Variants in C2orf68 observed in about 807,000 individuals in gnomAD.
C2orf68 encodes UPF0561 protein C2orf68.
In C2orf68, 15 loss-of-function variants were observed where a neutral mutation model predicts 19.1. The observed-to-expected ratio is 0.79, with a 90% confidence interval of 0.53 to 1.21. The LOEUF is 1.21. Ranked by LOEUF, C2orf68 falls within the 50% of genes most tolerant of loss-of-function variation. The pLI is 0.00. For missense variants in C2orf68, 242 were observed against 226.6 expected (o/e 1.07, Z -0.44); for synonymous variants, 98 against 91.0 (o/e 1.08, Z -0.44).
At position 85,612,064 on chromosome 2, in the gene C2orf68, C is replaced by A; in HGVS notation, c.-80G>T. 8.8e-7 allele frequency: 1 copy of A among 1,136,244 alleles called. No homozygotes were observed. Among genetic ancestry groups the A allele is most frequent in the Non-Finnish European group, 1.2e-6 (1 of 831,006 alleles). The allele number at this position is 1,136,244 out of a possible 1,614,324, so 70.4% of individuals were successfully genotyped here. ...CCGCCCACAGAGCTCCGCGCCGCCC[C>A]TTGCTCAGCTTCCGGCCCCGCATCC... On this transcript the variant is annotated 5_prime_UTR_variant, in exon 1 of 4. In the 5' UTR this introduces an upstream ATG that the reference lacks. Coordinates refer to ENST00000306336, the MANE Select transcript of C2orf68 (RefSeq NM_001013649.4).
chr2:85,608,955 C>G lies in C2orf68; in HGVS notation c.491G>C (p.Ser164Thr). The change falls in exon 4 of 4, where the codon AGC becomes ACC. Residue 164 changes from serine to threonine, a missense_variant. By Grantham distance (58) the Ser-to-Thr change is moderately conservative. Coordinates refer to ENST00000306336, the MANE Select transcript of C2orf68 (RefSeq NM_001013649.4). ...RIQEEIAKRQ[S>T]QH ...ACGCCTTCAACATGGTCAGTGTTGG[C>G]TCTGGCGCTTTGCAATCTCCTCCTG... is the stretch of plus-strand genomic sequence containing the variant. 2 of 1,614,240 alleles carry G rather than the reference C, an allele frequency of 1.2e-6. No homozygotes were observed. Among genetic ancestry groups the G allele is most frequent in the East Asian group, 2.2e-5 (1 of 44,890 alleles).
At chr2:85,610,038 G>A (rs899782936) in intron 2 of C2orf68, among the ~76,000 whole-genome samples, 1 of 135,328 alleles carries the variant, frequency 7.4e-6, no homozygotes, top group African/African-American at 3.0e-5. Context: ...TTTTTGAGAC[G>A]GAGTCTTGCT....
chr2:85,611,225 T>A (rs980091774), intron 2 of C2orf68: 22 of 1,285,548 alleles, frequency 1.7e-5, no homozygotes, highest in African/African-American at 9.4e-5. Flanking sequence ...AAAAACATTT[T>A]AAAAAAAGTA....
chr2:85,609,120 G>A, intron 3 of C2orf68, 53 bp from the exon 4 acceptor site: 1 of 1,601,894 alleles, frequency 6.2e-7, no homozygotes, highest in Non-Finnish European at 8.5e-7. Flanking sequence ...CCAGAAAGGT[G>A]ACCTGCCCTG....
Position 85,608,453 on chromosome 2 carries a change from C to T in C2orf68, c.*492G>A, listed in dbSNP as rs1257679473. On this transcript the variant is annotated 3_prime_UTR_variant, in exon 4 of 4. Coordinates refer to ENST00000306336, the MANE Select transcript of C2orf68 (RefSeq NM_001013649.4). ...GGGGAGGAAAACTGATGGATTCTAC[C>T]TGAGGCAAAAAGATGAGGGAAAGGA... The T allele has an allele frequency of 6.6e-6, 1 of 152,028 alleles. No homozygotes were observed. Among genetic ancestry groups the T allele is most frequent in the African/African-American group, 2.4e-5 (1 of 41,290 alleles). The allele number at this position is 152,028 out of a possible 1,614,324, so 9.4% of individuals were successfully genotyped here.
Position 85,609,578 on chromosome 2 carries a change from CAG to C in C2orf68, c.233_234del (p.Ser78CysfsTer9). 1.2e-6 allele frequency: 2 copies of C among 1,614,114 alleles called. No homozygotes were observed. Among genetic ancestry groups the C allele is most frequent in the Non-Finnish European group, 1.7e-6 (2 of 1,180,014 alleles). Reference protein sequence around the residue: ...QVYLPRHRDVSAHPRNPDYEE... With the variant: ...QVYLPRHRDVXAHPRNPDYEE... ...TCATAGTCTGGGTTGCGTGGGTGGGCAGAGACATCTGGAAGGATGAACCACAG... is the reference window on the plus strand; with the variant it reads ...TCATAGTCTGGGTTGCGTGGGTGGGCAGACATCTGGAAGGATGAACCACAG... On this transcript the variant is annotated frameshift_variant, in exon 3 of 4. Coordinates refer to ENST00000306336, the MANE Select transcript of C2orf68 (RefSeq NM_001013649.4). LOFTEE classifies it high-confidence loss of function.
chr2:85,607,071 G>A lies in C2orf68; in HGVS notation c.*1874C>T, dbSNP rs12991467. The A allele has an allele frequency of 0.06, 9,142 of 152,100 alleles. 368 individuals are homozygous for A. The highest frequency in any genetic ancestry group is 0.087 in the Non-Finnish European group (5,901 of 68,010). 9.4% of individuals were successfully genotyped at this position (152,100 alleles called of 1,614,324 possible). A position where few individuals can be genotyped will look rare whatever the true frequency, so the allele number is the denominator to read the frequency against. On this transcript the variant is annotated 3_prime_UTR_variant, in exon 4 of 4. Coordinates refer to ENST00000306336, the MANE Select transcript of C2orf68 (RefSeq NM_001013649.4). ...CTCTTCCTTTACTTAATAAGAATGC[G>A]GTCTAAATTTTCAGGTGCCAAGCCC... is the stretch of plus-strand genomic sequence containing the variant.
intron 2 of C2orf68, 95 bp from the exon 3 acceptor site, chr2:85,609,681 C>T: frequency 1.4e-6 from 2 of 1,473,176 alleles, no homozygotes; most frequent in Non-Finnish European, 1.8e-6. Flanking sequence ...GTTAGGAAAG[C>T]CCCAGTCTTC....
chr2:85,611,636 G>C (rs772333453), intron 2 of C2orf68, 32 bp downstream of exon 2: 11 of 1,565,308 alleles, frequency 7.0e-6, no homozygotes, highest in South Asian at 2.3e-5. Context: ...AAGAGCGCGC[G>C]GGCTGGAGGC....
At chr2:85,609,680 G>T in intron 2 of C2orf68, 94 bp from the exon 3 acceptor site, 1 of 1,480,182 alleles carries the variant, frequency 6.8e-7, no homozygotes, top group Non-Finnish European at 9.1e-7. Context: ...GGTTAGGAAA[G>T]CCCCAGTCTT....
chr2:85,611,873 G>A lies in C2orf68; in HGVS notation c.107+5C>T, dbSNP rs1245475498. On this transcript the variant is annotated splice_donor_5th_base_variant and intron_variant, in intron 1 of 3. Transcript: ENST00000306336. ...TGGCGGCGGCGGCGCAGGGCGGGGC[G>A]GTACCGAGCGATCTGGTTCCGTCGG... is the stretch of plus-strand genomic sequence containing the variant. 6.3e-7 allele frequency: 1 copy of A among 1,597,632 alleles called. No homozygotes were observed. Among genetic ancestry groups the A allele is most frequent in the African/African-American group, 1.3e-5 (1 of 74,458 alleles).
chr2:85,609,134 C>T, intron 3 of C2orf68, 67 bp from the exon 4 acceptor site: 1 of 1,582,274 alleles, frequency 6.3e-7, no homozygotes, highest in Middle Eastern at 1.8e-4. Context: ...TGCCCTGTCC[C>T]TAAACACTCT....
intron 2 of C2orf68, chr2:85,611,112 C>T: frequency 6.3e-6 from 2 of 318,126 alleles, no homozygotes; most frequent in Non-Finnish European, 9.7e-6. Context: ...TGGTGGCACA[C>T]GCCTGTGGTC....
rs763438159 is a variant in C2orf68, at chr2:85,611,714, C to T, written c.180G>A (p.Thr60=). Residue 60 remains threonine, a synonymous_variant, in exon 2 of 4, where the codon ACG becomes ACA. Transcript: ENST00000306336. ...KVRRRHTPAP[T]RPRKPDLQVY... is the part of the protein sequence containing the mutation. Reference sequence around the variant, plus strand: ...CCTGCAGGTCTGGCTTGCGGGGCCGCGTCGGCGCGGGCGTGTGCCGCCTCC... The same window carrying T: ...CCTGCAGGTCTGGCTTGCGGGGCCGTGTCGGCGCGGGCGTGTGCCGCCTCC... 4 of 1,596,652 alleles carry T rather than the reference C, an allele frequency of 2.5e-6. No homozygotes were observed. In the South Asian group the frequency reaches 4.5e-5, roughly 18 times the overall value.
intron 1 of C2orf68, 33 bp downstream of exon 1, chr2:85,611,845 T>TGGTGGC: frequency 6.3e-7 from 1 of 1,598,048 alleles, no homozygotes; most frequent in Non-Finnish European, 8.5e-7. Context: ...AGGCCAGGAG[T>TGGTGGC]GGTGGCGGCG....
At chr2:85,611,479 G>C in intron 2 of C2orf68, 189 bp downstream of exon 2, 1 of 1,549,506 alleles carries the variant, frequency 6.5e-7, no homozygotes, top group South Asian at 1.2e-5. Flanking sequence ...TTAACTGGGG[G>C]CTTATGAGTC....
At position 85,611,642 on chromosome 2, in the gene C2orf68, G is replaced by T. The variant is rs773111916; in HGVS notation, c.226+26C>A. ...CGTTGCAGGAAGAGCGCGCGGGCTGGAGGCAGGCGGGGCGGGCGGCCTCAC... is the reference window on the plus strand; with the variant it reads ...CGTTGCAGGAAGAGCGCGCGGGCTGTAGGCAGGCGGGGCGGGCGGCCTCAC... On this transcript the variant is annotated intron_variant, in intron 2 of 3. Coordinates refer to ENST00000306336, the MANE Select transcript of C2orf68 (RefSeq NM_001013649.4). 6 of 1,567,116 alleles carry T rather than the reference G, an allele frequency of 3.8e-6. No individual in the cohort carries two copies. The Admixed American group carries it at 9.7e-5, about 25-fold the overall frequency.
Position 85,606,638 on chromosome 2 carries a change from C to A in C2orf68, c.*2307G>T, listed in dbSNP as rs140653291. The A allele has an allele frequency of 6.6e-6, 1 of 152,174 alleles. No individual in the cohort carries two copies. Among genetic ancestry groups the A allele is most frequent in the Non-Finnish European group, 1.5e-5 (1 of 68,036 alleles). The allele number at this position is 152,174 out of a possible 1,614,324, so 9.4% of individuals were successfully genotyped here. On this transcript the variant is annotated 3_prime_UTR_variant, in exon 4 of 4. Coordinates refer to ENST00000306336, the MANE Select transcript of C2orf68 (RefSeq NM_001013649.4). ...GTAAAAAATATTAATAGTGTATATG[C>A]ACTTGAAAAGCAAAATTCCTCAAGA...
At position 85,606,859 on chromosome 2, in the gene C2orf68, GCAACCTCCGC is replaced by G. The variant is rs1346478339; in HGVS notation, c.*2076_*2085del. 1 of 149,320 alleles carries G rather than the reference GCAACCTCCGC, an allele frequency of 6.7e-6. No homozygotes were observed. The highest frequency in any genetic ancestry group is 1.5e-5 in the Non-Finnish European group (1 of 67,656). 9.2% of individuals were successfully genotyped at this position (149,320 alleles called of 1,614,324 possible). On this transcript the variant is annotated 3_prime_UTR_variant, in exon 4 of 4. Transcript: ENST00000306336. Reference sequence around the variant, plus strand: ...TGCAGTGGTGTGATCTCGGCTCACTGCAACCTCCGCCTTCCAGGTTTAGGTGATTCTCTTG... The same window carrying G: ...TGCAGTGGTGTGATCTCGGCTCACTGCTTCCAGGTTTAGGTGATTCTCTTG...
Sources: allele counts gnomAD v4.1 joint callset (sites outside exome capture counted in the v4.1 genomes callset), GRCh38; gene constraint gnomAD v4.1.1; transcripts MANE v1.5; gene names NCBI Gene and HGNC (gene_info 2026-07-23, HGNC 2026-07-21).